Variants in CFC1 observed in about 807,000 individuals in gnomAD.
CFC1 encodes the protein cryptic protein.
For synonymous variants in CFC1, 8 were observed against 50.7 expected (o/e 0.16, Z 3.58); for missense variants, 14 against 120.0 (o/e 0.12, Z 4.13).
In CFC1 at chr2:130,598,911, G is replaced by A; in HGVS notation, c.72C>T (p.Asn24=). The A allele has an allele frequency of 8.4e-7, 1 of 1,186,928 alleles. No individual in the cohort carries two copies. Among genetic ancestry groups the A allele is most frequent in the Non-Finnish European group, 1.2e-6 (1 of 836,798 alleles). The allele number at this position is 1,186,928 out of a possible 1,614,324, so 73.5% of individuals were successfully genotyped here. A position where few individuals can be genotyped will look rare whatever the true frequency, so the allele number is the denominator to read the frequency against. Reference sequence around the variant, plus strand: ...AATTATGAATAAAATGTTTCTTACTGTTTCCCAAATTGATGATCTGTAATG... The same window carrying A: ...AATTATGAATAAAATGTTTCTTACTATTTCCCAAATTGATGATCTGTAATG... ...SLALQIINLG[N]SYQREKHNGG... The change falls in exon 2 of 6, where the codon AAC becomes AAT. Residue 24 remains asparagine (N), a splice_region_variant and synonymous_variant. Coordinates refer to ENST00000259216, the MANE Select transcript of CFC1 (RefSeq NM_032545.4).
intron 5 of CFC1, among the ~76,000 whole-genome samples, chr2:130,595,414 A>T (rs76908790): frequency 0.077 from 11,218 of 146,230 alleles, 716 homozygotes; most frequent in East Asian, 0.25. Context: ...ACCCAGTCAT[A>T]TTGATAATTA....
rs1196369157 is a variant in CFC1, at chr2:130,593,080, G to GA, written c.473-5dup. ...GAGGCCAGGAAGTCTTTCGGGTCTG[G>GA]AAAAACAGAGAAACCGGAGATGTAT... On this transcript the variant is annotated splice_polypyrimidine_tract_variant and splice_region_variant and intron_variant, in intron 5 of 5. Coordinates refer to ENST00000259216, the MANE Select transcript of CFC1 (RefSeq NM_032545.4). 1.3e-4 allele frequency: 70 copies of GA among 529,332 alleles called. 1 individual carries two copies. The South Asian group carries it at 1.4e-3, about 10-fold the overall frequency. 32.8% of individuals were successfully genotyped at this position (529,332 alleles called of 1,614,324 possible). A position where few individuals can be genotyped will look rare whatever the true frequency, so the allele number is the denominator to read the frequency against.
At chr2:130,593,380 G>T (rs1256227471) in intron 5 of CFC1, among the ~76,000 whole-genome samples, 1 of 152,298 alleles carries the variant, frequency 6.6e-6, no homozygotes, top group African/African-American at 2.4e-5. Flanking sequence ...TGACCTTTCA[G>T]GGAGTCCCGC....
At chr2:130,596,836 C>CT (rs1369453211) in intron 5 of CFC1, among the ~76,000 whole-genome samples, 1 of 146,270 alleles carries the variant, frequency 6.8e-6, no homozygotes, top group African/African-American at 2.8e-5. Context: ...GGGCTGTGCT[C>CT]TTTGACAGAT....
intron 5 of CFC1, among the ~76,000 whole-genome samples, chr2:130,593,278 GT>G (rs1330168855): frequency 6.6e-6 from 1 of 152,214 alleles, no homozygotes; most frequent in Non-Finnish European, 1.5e-5. Context: ...GCCTCTAAAT[GT>G]TTGTAGAACT....
chr2:130,595,474 G>A (rs1163763476), intron 5 of CFC1, among the ~76,000 whole-genome samples: 4 of 147,720 alleles, frequency 2.7e-5, no homozygotes, highest in Non-Finnish European at 4.4e-5. Context: ...GCTCACGCCT[G>A]TAATCCCAGC....
At chr2:130,595,714 G>T (rs1222304532) in intron 5 of CFC1, among the ~76,000 whole-genome samples, 1 of 151,072 alleles carries the variant, frequency 6.6e-6, no homozygotes, top group Non-Finnish European at 1.5e-5. Context: ...CCCCAGCCCG[G>T]GCGACAGAGT....
At chr2:130,593,334 C>T (rs1259379902) in intron 5 of CFC1, among the ~76,000 whole-genome samples, 1 of 152,296 alleles carries the variant, frequency 6.6e-6, no homozygotes, top group Non-Finnish European at 1.5e-5. Flanking sequence ...AAAGGGGGAA[C>T]GAAGAACAGC....
At chr2:130,595,769 G>A (rs1187620297) in intron 5 of CFC1, among the ~76,000 whole-genome samples, 3 of 151,086 alleles carry the variant, frequency 2.0e-5, no homozygotes, top group Non-Finnish European at 4.4e-5. Context: ...ATGGCACAAG[G>A]TAAAGAATCA....
At position 130,593,027 on chromosome 2, in the gene CFC1, GC is replaced by G. The variant is rs1439611837; in HGVS notation, c.521del (p.Gly174AlafsTer57). ...GCAGCAAGAGTAGCAGGCTGGGCGC[GC>G]CCCCGGCGCTCGGCCCGTGAGCGTG... ...ASHAHGPSAG[G>X]APSLLLLLPC... On this transcript the variant is annotated frameshift_variant, in exon 6 of 6. Transcript: ENST00000259216. LOFTEE classifies it low-confidence loss of function (END_TRUNC). The G allele has an allele frequency of 5.5e-6, 3 of 548,966 alleles. No homozygotes were observed. In the Admixed American group the frequency reaches 1.1e-4, roughly 19 times the overall value. The allele number at this position is 548,966 out of a possible 1,614,324, so 34.0% of individuals were successfully genotyped here. A position where few individuals can be genotyped will look rare whatever the true frequency, so the allele number is the denominator to read the frequency against.
chr2:130,593,357 T>C (rs1684871150), intron 5 of CFC1, among the ~76,000 whole-genome samples: 1 of 152,298 alleles, frequency 6.6e-6, no homozygotes, highest in Non-Finnish European at 1.5e-5. Context: ...TTCCGTCTTT[T>C]TCATTTGGCC....
rs1247646624 is a variant in CFC1, at chr2:130,592,454, T to A, written c.*423A>T. 5.1e-6 allele frequency: 1 copy of A among 194,806 alleles called. No individual in the cohort carries two copies. The highest frequency in any genetic ancestry group is 1.1e-5 in the Non-Finnish European group (1 of 94,580). The allele number at this position is 194,806 out of a possible 1,614,324, so 12.1% of individuals were successfully genotyped here. On this transcript the variant is annotated 3_prime_UTR_variant, in exon 6 of 6. Coordinates refer to ENST00000259216, the MANE Select transcript of CFC1 (RefSeq NM_032545.4). ...TGGCGTCCTCAGCTAGTGGCGCACA[T>A]CCCCCTGGACTGGTTGTGGACACGA...
At chr2:130,594,352 T>C (rs1188685229) in intron 5 of CFC1, among the ~76,000 whole-genome samples, 1 of 145,596 alleles carries the variant, frequency 6.9e-6, no homozygotes, top group Non-Finnish European at 1.5e-5. Flanking sequence ...GCTCACAGCA[T>C]GTGAAGCTAT....
At chr2:130,593,443 G>A (rs1477055450) in intron 5 of CFC1, among the ~76,000 whole-genome samples, 1 of 152,196 alleles carries the variant, frequency 6.6e-6, no homozygotes, top group Non-Finnish European at 1.5e-5. Flanking sequence ...CAGTGCTATA[G>A]TATATAAATC....
At position 130,598,612 on chromosome 2, in the gene CFC1, C is replaced by G. The variant is rs777281361; in HGVS notation, c.247+30G>C. The stretch of plus-strand genomic sequence containing the variant: ...TGAGTCCGCAGACTGAGATGACGCC[C>G]CGGATTTTGTGGGCAGCGCTGCAAC... On this transcript the variant is annotated intron_variant, in intron 3 of 5. Coordinates refer to ENST00000259216, the MANE Select transcript of CFC1 (RefSeq NM_032545.4). 3 of 1,613,744 alleles carry G rather than the reference C, an allele frequency of 1.9e-6. No individual in the cohort carries two copies. The African/African-American group carries it at 4.0e-5, about 22-fold the overall frequency.
intron 3 of CFC1, 44 bp downstream of exon 3, chr2:130,598,598 A>G (rs1321099297): frequency 6.2e-7 from 1 of 1,612,306 alleles, no homozygotes; most frequent in Non-Finnish European, 8.5e-7. Context: ...GAGTCCGCAG[A>G]CTGAGATGAC....
At chr2:130,594,331 C>T (rs562662283) in intron 5 of CFC1, among the ~76,000 whole-genome samples, 4 of 146,646 alleles carry the variant, frequency 2.7e-5, no homozygotes, top group African/African-American at 8.2e-5. Context: ...GAAGCTGGTG[C>T]TAAGACAGGC....
intron 5 of CFC1, among the ~76,000 whole-genome samples, chr2:130,593,811 G>A (rs1348446090): frequency 7.5e-6 from 1 of 132,548 alleles, no homozygotes; most frequent in African/African-American, 3.1e-5. Flanking sequence ...CTGGAGTGGT[G>A]GGGCTGGGCA....
intron 5 of CFC1, among the ~76,000 whole-genome samples, chr2:130,596,511 C>A (rs1243824778): frequency 1.3e-5 from 2 of 150,298 alleles, no homozygotes; most frequent in Non-Finnish European, 3.0e-5. Flanking sequence ...GTGGTCTGCA[C>A]GGCAGGCGGG....
Sources: gnomAD v4.1 joint callset for allele counts (sites outside exome capture counted in the v4.1 genomes callset) on GRCh38, gnomAD v4.1.1 for gene constraint, MANE v1.5 for transcripts, NCBI Gene and HGNC (gene_info 2026-07-23, HGNC 2026-07-21) for gene names.